MYLK: variants seen among roughly 807,000 people sequenced by gnomAD.
MYLK encodes myosin light chain kinase, smooth muscle.
MYLK carries 106 observed loss-of-function variants against 203.4 expected under a neutral mutation model. The observed-to-expected ratio is 0.52, with a 90% CI of 0.45 to 0.61. The LOEUF (loss-of-function observed/expected upper bound fraction) is 0.61, where lower values mean the gene tolerates loss of function less well. Among genes scored for constraint, MYLK ranks in the 20% least tolerant of loss-of-function variants. The pLI, the probability that MYLK is intolerant of heterozygous loss-of-function variation, is 0.00. For synonymous variants in MYLK, 867 were observed against 959.5 expected, an observed-to-expected ratio of 0.90 and a Z score of 1.78; for missense variants, 2,072 against 2,442.3, an observed-to-expected ratio of 0.85 and a Z score of 3.20.
chr3:123,803,337 C>T (rs1197957452), intron 3 of MYLK, among the ~76,000 whole-genome samples: 3 of 152,156 alleles, frequency 2.0e-5, no homozygotes, highest in African/African-American at 7.2e-5. Context: ...AAGTTTCTGT[C>T]AGAGGCTCAG....
intron 33 of MYLK, 163 bp downstream of exon 33, chr3:123,618,476 C>A: frequency 1.2e-6 from 1 of 851,520 alleles, no homozygotes; most frequent in East Asian, 2.6e-5. Context: ...CAGGGCATAG[C>A]CCTTTATGAG....
chr3:123,856,273 T>C (rs1467243622), intron 2 of MYLK, among the ~76,000 whole-genome samples: 2 of 152,156 alleles, frequency 1.3e-5, no homozygotes, highest in Non-Finnish European at 2.9e-5. Context: ...AATTGGAACA[T>C]TTTCCTCTGT....
chr3:123,724,139 C>CTTTT (rs5852359), intron 12 of MYLK, among the ~76,000 whole-genome samples: 146 of 80,842 alleles, frequency 1.8e-3, no homozygotes, highest in African/African-American at 5.0e-3. Context: ...CTAAGTTTTG[C>CTTTT]TTTTTTTTTT....
chr3:123,814,127 A>G, intron 3 of MYLK: 1 of 362,246 alleles, frequency 2.8e-6, no homozygotes, highest in Non-Finnish European at 5.6e-6. Context: ...GCACTGACCC[A>G]GAAGGCTGCC....
At chr3:123,619,336 C>A (rs2057712891) in intron 32 of MYLK, among the ~76,000 whole-genome samples, 1 of 152,164 alleles carries the variant, frequency 6.6e-6, no homozygotes. Context: ...CCCTTCCCTT[C>A]AGGCTATGTC....
chr3:123,791,817 C>T (rs777770097), intron 4 of MYLK, among the ~76,000 whole-genome samples: 49 of 152,200 alleles, frequency 3.2e-4, no homozygotes, highest in Non-Finnish European at 6.3e-4. Flanking sequence ...AAATTGTTCA[C>T]ATTAAAATGG....
chr3:123,621,270 A>G (rs1217885793), intron 31 of MYLK: 1 of 152,204 alleles, frequency 6.6e-6, no homozygotes, highest in Non-Finnish European at 1.5e-5. Flanking sequence ...GGAATGACTA[A>G]GATAAGAAAA....
intron 4 of MYLK, among the ~76,000 whole-genome samples, chr3:123,778,563 G>A (rs1034714335): frequency 1.3e-5 from 2 of 149,374 alleles, no homozygotes; most frequent in African/African-American, 2.5e-5. Flanking sequence ...CAATATGCTC[G>A]AGCAGCCCAT....
At chr3:123,661,359 C>T (rs377305947) in intron 23 of MYLK, among the ~76,000 whole-genome samples, 12 of 152,088 alleles carry the variant, frequency 7.9e-5, no homozygotes, top group South Asian at 2.1e-4. Context: ...GCTGATAGGA[C>T]GGGAGTACAG....
intron 4 of MYLK, among the ~76,000 whole-genome samples, chr3:123,765,037 A>C: frequency 6.6e-6 from 1 of 152,112 alleles, no homozygotes; most frequent in East Asian, 1.9e-4. Context: ...CATTTTAAGG[A>C]CACCATTATT....
intron 4 of MYLK, among the ~76,000 whole-genome samples, chr3:123,779,559 G>A (rs2064212145): frequency 6.6e-6 from 1 of 152,172 alleles, no homozygotes; most frequent in African/African-American, 2.4e-5. Context: ...AACAGGCTCT[G>A]CCTGCCCCCA....
Position 123,610,408 on chromosome 3 carries a change from T to C in MYLK, c.*3697A>G, listed in dbSNP as rs1442386602. ...ATGTTTATTTCTTGCTTGTGTTATG[T>C]CCCCATTTTGGGTTGGCTAGAGACC... On this transcript the variant is annotated 3_prime_UTR_variant, in exon 34 of 34. Coordinates refer to ENST00000360304, the MANE Select transcript of MYLK (RefSeq NM_053025.4). 1 of 152,138 alleles carries C rather than the reference T, an allele frequency of 6.6e-6. No homozygotes were observed. The highest frequency in any genetic ancestry group is 1.5e-5 in the Non-Finnish European group (1 of 68,040). 9.4% of individuals were successfully genotyped at this position (152,138 alleles called of 1,614,324 possible).
Position 123,700,088 on chromosome 3 carries a change from G to T in MYLK, c.3380C>A (p.Ala1127Asp). The change falls in exon 18 of 34, where the codon GCC becomes GAC. Residue 1127 changes from alanine to aspartate, a missense_variant. Transcript: ENST00000360304. Reference protein sequence around the residue: ...LQCQVSSDPPATIIWTLNGKT... With the variant: ...LQCQVSSDPPDTIIWTLNGKT... ...TCCGTTCAGCGTCCAGATGATGGTG[G>T]CTGGGGGGTCAGAAGACACCTGGCA... 1 of 1,614,006 alleles carries T rather than the reference G, an allele frequency of 6.2e-7. No homozygotes were observed. The highest frequency in any genetic ancestry group is 8.5e-7 in the Non-Finnish European group (1 of 1,179,990).
intron 5 of MYLK, among the ~76,000 whole-genome samples, chr3:123,745,551 T>C (rs575219721): frequency 2.0e-5 from 3 of 152,358 alleles, no homozygotes; most frequent in African/African-American, 7.2e-5. Flanking sequence ...GATATTATTC[T>C]AGATTTTGTT....
intron 2 of MYLK, among the ~76,000 whole-genome samples, chr3:123,850,010 T>C (rs1277812907): frequency 6.6e-6 from 1 of 152,192 alleles, no homozygotes; most frequent in Admixed American, 6.5e-5. Context: ...TTTTTGTCCT[T>C]GCGATAGTTT....
intron 3 of MYLK, among the ~76,000 whole-genome samples, chr3:123,795,216 T>G (rs2064941613): frequency 6.6e-6 from 1 of 152,244 alleles, no homozygotes; most frequent in South Asian, 2.1e-4. Flanking sequence ...CCTACAACTT[T>G]TCTTAAAATA....
Position 123,666,209 on chromosome 3 carries a change from C to G in MYLK, c.3831+10G>C. On this transcript the variant is annotated intron_variant, in intron 22 of 33. Coordinates refer to ENST00000360304, the MANE Select transcript of MYLK (RefSeq NM_053025.4). Reference sequence around the variant, plus strand: ...AGCACCCCCAGTGCCCACCCCATACCGTCACTGACCTGCTTTCGGAACTTC... The same window carrying G: ...AGCACCCCCAGTGCCCACCCCATACGGTCACTGACCTGCTTTCGGAACTTC... 1 of 1,614,228 alleles carries G rather than the reference C, an allele frequency of 6.2e-7. No homozygotes were observed. Among genetic ancestry groups the G allele is most frequent in the Non-Finnish European group, 8.5e-7 (1 of 1,180,044 alleles).
intron 20 of MYLK, among the ~76,000 whole-genome samples, chr3:123,670,622 G>T (rs919224809): frequency 6.6e-6 from 1 of 152,084 alleles, no homozygotes; most frequent in Non-Finnish European, 1.5e-5. Flanking sequence ...AGGTATGGTG[G>T]TGCCTGTCTG....
chr3:123,640,181 C>T lies in MYLK; in HGVS notation c.4837+106G>A. 1 of 1,091,218 alleles carries T rather than the reference C, an allele frequency of 9.2e-7. No homozygotes were observed. The highest frequency in any genetic ancestry group is 1.3e-5 in the South Asian group (1 of 78,510). 67.6% of individuals were successfully genotyped at this position (1,091,218 alleles called of 1,614,324 possible). ...TTCAAACCTGGGAAGTCTTCATGGT[C>T]TCGGATTTAACCCCAATACTGTATG... is the stretch of plus-strand genomic sequence containing the variant. On this transcript the variant is annotated intron_variant, in intron 28 of 33. Transcript: ENST00000360304. This position sits in a 1 kb window ranked among gnomAD's most constrained non-coding sequence, Gnocchi z 4.3.
Sources: gnomAD v4.1 joint callset for allele counts (sites outside exome capture counted in the v4.1 genomes callset) on GRCh38, gnomAD v4.1.1 for gene constraint, Gnocchi (gnomAD v3.1) non-coding constraint, MANE v1.5 for transcripts, NCBI Gene and HGNC (gene_info 2026-07-23, HGNC 2026-07-21) for gene names.